Variants in JAK2 observed in about 807,000 individuals in gnomAD.
JAK2 encodes Janus kinase 2, also known as tyrosine-protein kinase JAK2.
JAK2 carries 86 observed loss-of-function variants against 139.3 expected under a neutral mutation model. That is an observed-to-expected ratio of 0.62 (90% CI 0.52 to 0.74). The LOEUF (loss-of-function observed/expected upper bound fraction) is 0.74, where lower values mean the gene tolerates loss of function less well. Among genes scored for constraint, JAK2 ranks in the 30% least tolerant of loss-of-function variants. The pLI, the probability that JAK2 is intolerant of heterozygous loss-of-function variation, is 0.00. For missense variants in JAK2, 1,421 were observed against 1,360.3 expected (o/e 1.04, Z -0.70); for synonymous variants, 490 against 437.7 (o/e 1.12, Z -1.49).
chr9:4,984,560 C>G (rs1819832066), upstream of JAK2: 2 of 152,646 alleles, frequency 1.3e-5, no homozygotes, highest in East Asian at 1.9e-4. Context: ...CGCATTGCCA[C>G]GAAACAGCGT....
intron 4 of JAK2, among the ~76,000 whole-genome samples, chr9:5,035,578 C>T (rs1468823663): frequency 5.3e-5 from 8 of 152,174 alleles, no homozygotes; most frequent in Non-Finnish European, 8.8e-5. Flanking sequence ...GCTGGTTCAA[C>T]ATATGCAAAT....
chr9:5,022,585 C>T (rs992288010), intron 3 of JAK2, among the ~76,000 whole-genome samples: 20 of 152,172 alleles, frequency 1.3e-4, no homozygotes, highest in African/African-American at 4.8e-4. Flanking sequence ...GATTTAAAAT[C>T]TTGATTAAAT....
chr9:5,073,128 G>T (rs1417827336), intron 13 of JAK2, among the ~76,000 whole-genome samples: 1 of 152,200 alleles, frequency 6.6e-6, no homozygotes, highest in Non-Finnish European at 1.5e-5. Flanking sequence ...GGGTGTTGGT[G>T]TTAGAAGATG....
chr9:5,083,659 G>A (rs1354432895), intron 19 of JAK2, among the ~76,000 whole-genome samples: 1 of 151,850 alleles, frequency 6.6e-6, no homozygotes, highest in Non-Finnish European at 1.5e-5. Flanking sequence ...GTCATATATT[G>A]TCAAAACAAT....
intron 22 of JAK2, chr9:5,112,759 G>A: frequency 6.3e-6 from 4 of 638,400 alleles, no homozygotes; most frequent in Non-Finnish European, 9.7e-6. Context: ...GAGAAGAGAA[G>A]GTGTCGCGCG....
At position 5,017,678 on chromosome 9, in the gene JAK2, C is replaced by T. The variant is rs556341683; in HGVS notation, c.-25-4285C>T. ...ATTTAATACTGACTATAATAAGATACGATGTAATAGATTTCAAGGAATTAT... is the reference window on the plus strand; with the variant it reads ...ATTTAATACTGACTATAATAAGATATGATGTAATAGATTTCAAGGAATTAT... On this transcript the variant is annotated intron_variant, in intron 2 of 24. Transcript: ENST00000381652. Among the ~76,000 whole-genome samples the T allele has an allele frequency of 4.6e-5, 7 of 152,138 alleles. No individual in the cohort carries two copies. In the East Asian group the frequency reaches 9.6e-4, roughly 21 times the overall value.
chr9:5,021,892 C>G (rs1165226396), intron 2 of JAK2, 71 bp from the exon 3 acceptor site: 1 of 872,964 alleles, frequency 1.1e-6, no homozygotes, highest in African/African-American at 1.7e-5. Flanking sequence ...CTCGGCCCCG[C>G]AAAGTGCTAG....
intron 22 of JAK2, 101 bp downstream of exon 22, chr9:5,091,012 T>A: frequency 2.2e-6 from 2 of 898,080 alleles, no homozygotes; most frequent in Non-Finnish European, 3.4e-6. Context: ...ACAGTAACAG[T>A]GAACATTTAA....
At chr9:5,017,392 T>C (rs1007056396) in intron 2 of JAK2, among the ~76,000 whole-genome samples, 4 of 152,252 alleles carry the variant, frequency 2.6e-5, no homozygotes, top group African/African-American at 9.6e-5. Flanking sequence ...TCCTTAATGC[T>C]AAGAACTTCG....
intron 2 of JAK2, among the ~76,000 whole-genome samples, chr9:4,988,157 C>T (rs929321403): frequency 6.6e-6 from 1 of 152,172 alleles, no homozygotes. Context: ...CATTTCCCAC[C>T]CTTCCCCACT....
At chr9:5,036,757 C>A (rs1273713183) in intron 4 of JAK2, among the ~76,000 whole-genome samples, 1 of 152,130 alleles carries the variant, frequency 6.6e-6, no homozygotes, top group African/African-American at 2.4e-5. Flanking sequence ...ACCATAAAAA[C>A]CCTAGAAGAA....
chr9:5,069,734 T>C (rs1255097748), intron 11 of JAK2, among the ~76,000 whole-genome samples, 191 bp from the exon 12 acceptor site: 2 of 152,138 alleles, frequency 1.3e-5, no homozygotes, highest in East Asian at 3.8e-4. Context: ...TTTGAATGTA[T>C]GAAGTAACTA....
At chr9:4,984,485 G>A (rs1819829219), upstream of JAK2, 1 of 152,264 alleles carries the variant, frequency 6.6e-6, no homozygotes, top group Non-Finnish European at 1.5e-5. Flanking sequence ...CAGGCGGCTG[G>A]GCGCTTCATC....
chr9:5,110,844 G>C (rs186319673), intron 22 of JAK2: 2 of 468,710 alleles, frequency 4.3e-6, no homozygotes, highest in Non-Finnish European at 8.2e-6. Flanking sequence ...GGGAAGGTGG[G>C]GGGGACGCTT....
intron 19 of JAK2, among the ~76,000 whole-genome samples, chr9:5,089,420 C>T (rs1304223170): frequency 1.6e-4 from 24 of 151,556 alleles, no homozygotes. Context: ...CGCCTGTATT[C>T]CCAGCTACTG....
intron 22 of JAK2, among the ~76,000 whole-genome samples, chr9:5,095,648 T>C (rs889970877): frequency 2.0e-5 from 3 of 152,130 alleles, no homozygotes; most frequent in African/African-American, 7.2e-5. Flanking sequence ...ATCTCAATTA[T>C]ATTTCAAATT....
chr9:5,040,721 G>C (rs927338014), intron 4 of JAK2, among the ~76,000 whole-genome samples: 1 of 152,268 alleles, frequency 6.6e-6, no homozygotes, highest in Non-Finnish European at 1.5e-5. Context: ...ATGCCCAACA[G>C]GTGGGCCCCT....
chr9:5,011,964 T>G (rs574959859), intron 2 of JAK2, among the ~76,000 whole-genome samples: 1 of 152,212 alleles, frequency 6.6e-6, no homozygotes, highest in South Asian at 2.1e-4. Flanking sequence ...ATCCTGACTC[T>G]CCAGGACCAG....
At position 5,126,716 on chromosome 9, in the gene JAK2, T is replaced by G; in HGVS notation, c.3324T>G (p.Asn1108Lys). 6.2e-7 allele frequency: 1 copy of G among 1,610,874 alleles called. No homozygotes were observed. Among genetic ancestry groups the G allele is most frequent in the Non-Finnish European group, 8.5e-7 (1 of 1,177,616 alleles). Residue 1108 changes from asparagine to lysine, a missense_variant, in exon 25 of 25, where the codon AAT (asparagine) becomes AAG (lysine). Asn to Lys is a moderately conservative substitution (Grantham distance 94). Coordinates refer to ENST00000381652, the MANE Select transcript of JAK2 (RefSeq NM_004972.4). ...IYMIMTECWNNNVNQRPSFRD... is the reference protein window; with the variant it reads ...IYMIMTECWNKNVNQRPSFRD... ...TGATCATGACAGAATGCTGGAACAA[T>G]AATGTAAATCAACGCCCCTCCTTTA...
Sources: allele counts gnomAD v4.1 joint callset (sites outside exome capture counted in the v4.1 genomes callset), GRCh38; gene constraint gnomAD v4.1.1; transcripts MANE v1.5; gene names NCBI Gene and HGNC (gene_info 2026-07-23, HGNC 2026-07-21).